RAP1GDS1: variants seen among roughly 807,000 people sequenced by gnomAD.
RAP1GDS1 encodes the protein Rap1 GTPase-GDP dissociation stimulator 1, also known as RAP1, GTP-GDP dissociation stimulator 1.
A neutral mutation model predicts 71.1 loss-of-function variants in RAP1GDS1; 35 were observed. The observed-to-expected ratio is 0.49, with a 90% CI of 0.38 to 0.65. The LOEUF (loss-of-function observed/expected upper bound fraction) is 0.65. Among genes scored for constraint, RAP1GDS1 ranks in the 30% least tolerant of loss-of-function variants. The pLI, the probability that RAP1GDS1 is intolerant of heterozygous loss-of-function variation, is 0.00. For synonymous variants in RAP1GDS1, 229 were observed against 243.1 expected, an observed-to-expected ratio of 0.94 and a Z score of 0.54; for missense variants, 663 against 706.1, an observed-to-expected ratio of 0.94 and a Z score of 0.69.
intron 1 of RAP1GDS1, among the ~76,000 whole-genome samples, chr4:98,291,436 A>G (rs1209595358): frequency 6.6e-6 from 1 of 152,220 alleles, no homozygotes; most frequent in Non-Finnish European, 1.5e-5. Context: ...AAGGAAATGT[A>G]AAATACAGCT....
chr4:98,317,598 T>C (rs1266895526), intron 2 of RAP1GDS1, among the ~76,000 whole-genome samples: 2 of 152,026 alleles, frequency 1.3e-5, no homozygotes, highest in African/African-American at 4.8e-5. Context: ...TAGATAATTG[T>C]GAAATATTGC....
At chr4:98,330,439 G>T (rs1328105897) in intron 2 of RAP1GDS1, among the ~76,000 whole-genome samples, 4 of 150,788 alleles carry the variant, frequency 2.7e-5, no homozygotes, top group Non-Finnish European at 5.9e-5. Context: ...GTCGCGGCCG[G>T]GCAGAGGCAC....
At chr4:98,332,342 CAA>C (rs752764242) in intron 2 of RAP1GDS1, among the ~76,000 whole-genome samples, 1 of 152,134 alleles carries the variant, frequency 6.6e-6, no homozygotes, top group Non-Finnish European at 1.5e-5. Flanking sequence ...CAGGACAAGA[CAA>C]GAGTGCAGAA....
chr4:98,334,917 CAAAAAAA>C (rs1324052277), intron 2 of RAP1GDS1, among the ~76,000 whole-genome samples: 1 of 66,288 alleles, frequency 1.5e-5, no homozygotes, highest in Non-Finnish European at 3.4e-5. Context: ...TCAAAGTAAG[CAAAAAAA>C]AAAAAAAAAA....
At chr4:98,401,219 A>T (rs1745360682) in intron 6 of RAP1GDS1, among the ~76,000 whole-genome samples, 1 of 152,232 alleles carries the variant, frequency 6.6e-6, no homozygotes, top group Admixed American at 6.5e-5. Flanking sequence ...TCTAAAGTGA[A>T]TGCATTAAGA....
intron 4 of RAP1GDS1, among the ~76,000 whole-genome samples, chr4:98,363,478 C>CAAAAAACAAA (rs1739047857): frequency 2.7e-5 from 1 of 37,734 alleles, no homozygotes; most frequent in African/African-American, 9.9e-5. Context: ...GACCCTGTCT[C>CAAAAAACAAA]AAAAAAAAAA....
intron 10 of RAP1GDS1, among the ~76,000 whole-genome samples, chr4:98,419,353 C>A (rs1578819360): frequency 6.6e-6 from 1 of 152,116 alleles, no homozygotes. Context: ...TGCACCAGGC[C>A]TTAGGCATCT....
intron 1 of RAP1GDS1, among the ~76,000 whole-genome samples, chr4:98,282,398 G>T (rs1725249319): frequency 6.6e-6 from 1 of 152,138 alleles, no homozygotes; most frequent in Admixed American, 6.6e-5. Context: ...TATTTGCGTA[G>T]AGGTGTTTAT....
chr4:98,346,474 C>CT (rs987032730), intron 3 of RAP1GDS1, among the ~76,000 whole-genome samples: 12 of 152,158 alleles, frequency 7.9e-5, no homozygotes, highest in Admixed American at 2.0e-4. Flanking sequence ...GAAAAATGCA[C>CT]TATATTGTCA....
In RAP1GDS1 at chr4:98,261,504, C is replaced by T. The variant is rs372377035; in HGVS notation, c.-62C>T. On this transcript the variant is annotated 5_prime_UTR_variant, in exon 1 of 15. Transcript: ENST00000408927. ...CGGAGGTAGAGGGAGGACACAGAGCCGCGCCGCCCGCACCACAGACCTTCG... is the reference window on the plus strand; with the variant it reads ...CGGAGGTAGAGGGAGGACACAGAGCTGCGCCGCCCGCACCACAGACCTTCG... The T allele has an allele frequency of 4.0e-4, 616 of 1,559,216 alleles. 3 individuals are homozygous for T. In the African/African-American group the frequency reaches 7.0e-3, roughly 18 times the overall value.
intron 1 of RAP1GDS1, among the ~76,000 whole-genome samples, chr4:98,262,428 G>A (rs1241970653): frequency 6.6e-6 from 1 of 152,178 alleles, no homozygotes; most frequent in Non-Finnish European, 1.5e-5. Context: ...AGATTTAAGA[G>A]CAAATATGTT....
intron 2 of RAP1GDS1, among the ~76,000 whole-genome samples, chr4:98,307,317 C>T (rs1248724309): frequency 6.6e-6 from 1 of 151,778 alleles, no homozygotes; most frequent in Non-Finnish European, 1.5e-5. Flanking sequence ...ATTATGGTAG[C>T]TTTATGGAGG....
At chr4:98,440,168 C>T (rs1234870393) in intron 14 of RAP1GDS1, among the ~76,000 whole-genome samples, 3 of 152,148 alleles carry the variant, frequency 2.0e-5, no homozygotes, top group African/African-American at 7.2e-5. Context: ...AATTTCATTT[C>T]CTTTTAAAGC....
rs188092249 is a variant in RAP1GDS1, at chr4:98,340,333, C to T, written c.113-2806C>T. ...TATACACCATGGAATACTACATAGT[C>T]ATAAAATGAGTGAGATTATGTCCTT... On this transcript the variant is annotated intron_variant, in intron 2 of 14. Coordinates refer to ENST00000408927, the MANE Select transcript of RAP1GDS1 (RefSeq NM_001100427.2). 6.6e-5 allele frequency among the ~76,000 whole-genome samples: 10 copies of T among 152,266 alleles called. No homozygotes were observed. The East Asian group carries it at 1.9e-3, about 29-fold the overall frequency.
chr4:98,440,624 G>A (rs1751743597), intron 14 of RAP1GDS1, among the ~76,000 whole-genome samples: 1 of 152,010 alleles, frequency 6.6e-6, no homozygotes, highest in African/African-American at 2.4e-5. Flanking sequence ...TGTGTTTGTG[G>A]GCCATTTGTA....
chr4:98,433,486 G>A lies in RAP1GDS1; in HGVS notation c.1441-450G>A, dbSNP rs539512410. Among the ~76,000 whole-genome samples, 94 of 151,964 alleles carry A rather than the reference G, an allele frequency of 6.2e-4. 3 individuals are homozygous for A. Among genetic ancestry groups the A allele is most frequent in the Non-Finnish European group, 7.4e-5 (5 of 67,974 alleles). ...ATTTTTTTATTTTTTGTAGAGATGG[G>A]GTCTCGCTATGTTGCCAGGCTGGTC... On this transcript the variant is annotated intron_variant, in intron 12 of 14. Coordinates refer to ENST00000408927, the MANE Select transcript of RAP1GDS1 (RefSeq NM_001100427.2).
intron 2 of RAP1GDS1, among the ~76,000 whole-genome samples, chr4:98,299,979 G>T (rs1211554439): frequency 6.6e-6 from 1 of 152,114 alleles, no homozygotes; most frequent in Non-Finnish European, 1.5e-5. Context: ...ACATTGAAAT[G>T]ACACAAAGAA....
At chr4:98,330,086 C>A (rs1040366996) in intron 2 of RAP1GDS1, among the ~76,000 whole-genome samples, 1 of 152,092 alleles carries the variant, frequency 6.6e-6, no homozygotes, top group African/African-American at 2.4e-5. Flanking sequence ...GCCCTTAATC[C>A]ATTTAACCCT....
At chr4:98,366,605 G>A (rs1171992736) in intron 4 of RAP1GDS1, among the ~76,000 whole-genome samples, 9 of 152,136 alleles carry the variant, frequency 5.9e-5, no homozygotes, top group African/African-American at 2.2e-4. Context: ...CTACAGGCTT[G>A]AATGGCTTTG....
Sources: gnomAD v4.1 joint callset for allele counts (sites outside exome capture counted in the v4.1 genomes callset) on GRCh38, gnomAD v4.1.1 for gene constraint, MANE v1.5 for transcripts, NCBI Gene and HGNC (gene_info 2026-07-23, HGNC 2026-07-21) for gene names.